The following OGG1 variants were observed in gnomAD, a reference collection of about 807,000 sequenced individuals.
The protein encoded by OGG1 is N-glycosylase/DNA lyase.
OGG1 carries 35 observed loss-of-function variants against 42.3 expected under a neutral mutation model. That is an observed-to-expected ratio of 0.83 (90% confidence interval 0.63 to 1.10). The LOEUF is 1.10. Ranked by LOEUF, OGG1 falls within the 50% of genes least tolerant of loss-of-function variation. The pLI is 0.00. For missense variants in OGG1, 484 were observed against 446.7 expected (o/e 1.08, Z -0.75); for synonymous variants, 189 against 179.0 (o/e 1.06, Z -0.44).
At chr3:9,771,442 G>A (rs1163907418), downstream of OGG1, among the ~76,000 whole-genome samples, 1 of 152,086 alleles carries the variant, frequency 6.6e-6, no homozygotes, top group South Asian at 2.1e-4. Flanking sequence ...TTTCTTACTC[G>A]GGAACATGGG....
chr3:9,770,541 G>A (rs2078278733), downstream of OGG1, among the ~76,000 whole-genome samples: 1 of 152,198 alleles, frequency 6.6e-6, no homozygotes, highest in South Asian at 2.1e-4. Context: ...CCAGACACTT[G>A]CTCCTCAGAG....
chr3:9,750,868 A>G (rs756511683), intron 1 of OGG1, 77 bp from the exon 2 acceptor site: 65 of 1,542,222 alleles, frequency 4.2e-5, no homozygotes, highest in Non-Finnish European at 5.5e-5. Flanking sequence ...ACATGGAGCT[A>G]TTGTAGGATA....
At chr3:9,752,529 CAAA>C (rs144337359) in intron 3 of OGG1, among the ~76,000 whole-genome samples, 5 of 75,008 alleles carry the variant, frequency 6.7e-5, no homozygotes, top group African/African-American at 2.0e-4. Context: ...GACTCTGTCT[CAAA>C]AAAAAAAAAA....
intron 2 of OGG1, among the ~76,000 whole-genome samples, chr3:9,772,094 A>G (rs943518366): frequency 2.0e-5 from 3 of 152,142 alleles, no homozygotes; most frequent in African/African-American, 7.2e-5. Flanking sequence ...CTGGAATTAC[A>G]GGCATGAGCT....
At chr3:9,752,922 G>C (rs935903660) in intron 3 of OGG1, among the ~76,000 whole-genome samples, 26 of 151,988 alleles carry the variant, frequency 1.7e-4, no homozygotes, top group Non-Finnish European at 3.2e-4. Context: ...GTGATGGCAG[G>C]CACCTGTCCC....
At chr3:9,758,040 G>A, downstream of OGG1, 5 of 756,650 alleles carry the variant, frequency 6.6e-6, no homozygotes, top group Non-Finnish European at 1.0e-5. Context: ...ACGCACATAT[G>A]TTAGATGTAT....
chr3:9,759,112 C>G, downstream of OGG1: 3 of 1,242,330 alleles, frequency 2.4e-6, no homozygotes, highest in Non-Finnish European at 3.6e-6. Context: ...TCTGGCCAGG[C>G]TTAGCACTTG....
In OGG1 at chr3:9,750,290, C is replaced by T; in HGVS notation, c.4C>T (p.Pro2Ser). ...CGGGGCGGTGCCTGCTGTGGAAATG[C>T]CTGCCCGCGCGCTTCTGCCCAGGCG... Reference protein sequence around the residue: MPARALLPRRMG... With the variant: MSARALLPRRMG... The change falls in exon 1 of 7, where the codon CCT (proline) becomes TCT (serine). Residue 2 changes from proline (P) to serine (S), a missense_variant. Physicochemically the swap from Pro to Ser is moderately conservative, Grantham distance 74. Transcript: ENST00000344629. The T allele has an allele frequency of 6.2e-7, 1 of 1,610,150 alleles. No homozygotes were observed.
At chr3:9,781,405 C>T (rs1054334316) in intron 2 of OGG1, 46 of 427,772 alleles carry the variant, frequency 1.1e-4, no homozygotes, top group African/African-American at 4.6e-4. Context: ...ATATGTTACC[C>T]GTGAGGAAAA....
rs772066493 is a variant in OGG1, at chr3:9,751,879, T to C, written c.495T>C (p.Ala165=). Residue 165 remains alanine, a synonymous_variant, in exon 3 of 7, where the codon GCT becomes GCC. Transcript: ENST00000344629. ...ITGMVERLCQ[A]FGPRLIQLDD... ...GCATGGTGGAGCGGCTGTGCCAGGCTTTTGGACCTCGGCTCATCCAGCTTG... is the reference window on the plus strand; with the variant it reads ...GCATGGTGGAGCGGCTGTGCCAGGCCTTTGGACCTCGGCTCATCCAGCTTG... The C allele has an allele frequency of 6.2e-7, 1 of 1,614,194 alleles. No homozygotes were observed. Among genetic ancestry groups the C allele is most frequent in the South Asian group, 1.1e-5 (1 of 91,074 alleles).
At chr3:9,761,462 A>G (rs1327064915), downstream of OGG1, 3 of 1,609,948 alleles carry the variant, frequency 1.9e-6, no homozygotes, top group African/African-American at 1.3e-5. Context: ...CCCACTTACA[A>G]GATGTAGGCG....
chr3:9,778,020 G>A (rs1275659708), intron 2 of OGG1, among the ~76,000 whole-genome samples: 1 of 152,228 alleles, frequency 6.6e-6, no homozygotes, highest in African/African-American at 2.4e-5. Context: ...GAGTTTGAAT[G>A]TTGGCTCAAC....
downstream of OGG1, chr3:9,789,831 G>C: frequency 1.2e-6 from 2 of 1,614,234 alleles, no homozygotes; most frequent in Non-Finnish European, 1.7e-6. Context: ...CCAGGGCCCG[G>C]CCCATGTCCT....
At chr3:9,761,312 T>C (rs2077857472), downstream of OGG1, 5 of 770,710 alleles carry the variant, frequency 6.5e-6, no homozygotes, top group Admixed American at 1.5e-4. Flanking sequence ...TAGTATCTAT[T>C]GAATGAAGTA....
At chr3:9,789,757 G>T, downstream of OGG1, 1 of 1,614,208 alleles carries the variant, frequency 6.2e-7, no homozygotes, top group Non-Finnish European at 8.5e-7. Flanking sequence ...CGTCGATAGG[G>T]TCATCAGTGA....
At chr3:9,782,743 A>G (rs1487729821) in intron 3 of OGG1, among the ~76,000 whole-genome samples, 1 of 149,632 alleles carries the variant, frequency 6.7e-6, no homozygotes, top group Non-Finnish European at 1.5e-5. Flanking sequence ...GTGAGCCGAG[A>G]TCATGGCACT....
downstream of OGG1, chr3:9,767,583 G>T: frequency 6.4e-7 from 1 of 1,559,456 alleles, no homozygotes; most frequent in Non-Finnish European, 8.8e-7. Context: ...GTGGGAAACA[G>T]GAAGCATTAA....
chr3:9,756,578 G>A lies in OGG1; in HGVS notation c.855G>A (p.Thr285=), dbSNP rs533666274. 6.8e-6 allele frequency: 11 copies of A among 1,614,168 alleles called. No homozygotes were observed. Among genetic ancestry groups the A allele is most frequent in the African/African-American group, 1.3e-5 (1 of 75,044 alleles). Residue 285 remains threonine (T), a synonymous_variant, in exon 5 of 7, where the codon ACG becomes ACA. Coordinates refer to ENST00000344629, the MANE Select transcript of OGG1 (RefSeq NM_002542.6). ...GTGACTACAGCTGGCACCCTACCAC[G>A]TCCCAGGCGAAGGGACCGAGCCCCC... ...AQRDYSWHPT[T]SQAKGPSPQT...
intron 2 of OGG1, among the ~76,000 whole-genome samples, chr3:9,772,828 G>T (rs1239215622): frequency 6.6e-6 from 1 of 152,204 alleles, no homozygotes; most frequent in Non-Finnish European, 1.5e-5. Flanking sequence ...AACACTCTCA[G>T]CCGGGCCCCC....
Sources: allele counts gnomAD v4.1 joint callset (sites outside exome capture counted in the v4.1 genomes callset), GRCh38; gene constraint gnomAD v4.1.1; transcripts MANE v1.5; gene names NCBI Gene and HGNC (gene_info 2026-07-23, HGNC 2026-07-21).